Variants in ACYP2 observed in about 807,000 individuals in gnomAD.
ACYP2 encodes acylphosphatase-2.
Under a neutral mutation model 11.2 loss-of-function variants are expected in ACYP2, and 12 were observed. The observed-to-expected ratio is 1.08, with a 90% CI of 0.69 to 1.74. ACYP2 has a LOEUF of 1.74. Ranked by LOEUF, ACYP2 falls within the 40% of genes most tolerant of loss-of-function variation. The probability of loss-of-function intolerance (pLI) is 0.00; values close to 1 mark genes in which losing one functional copy is unlikely to be tolerated. For synonymous variants in ACYP2, 43 were observed against 32.2 expected, an observed-to-expected ratio of 1.33 and a Z score of -1.13; for missense variants, 134 against 101.9, an observed-to-expected ratio of 1.31 and a Z score of -1.35.
chr2:54,078,897 C>T (rs761510185), intron 4 of ACYP2, among the ~76,000 whole-genome samples: 2 of 152,196 alleles, frequency 1.3e-5, no homozygotes, highest in Non-Finnish European at 2.9e-5. Flanking sequence ...CATGCCCGGC[C>T]TCAATAAGCT....
intron 6 of ACYP2, among the ~76,000 whole-genome samples, chr2:54,208,366 T>A (rs12614774): frequency 0.24 from 36,541 of 151,920 alleles, 4,569 homozygotes; most frequent in East Asian, 0.39. Context: ...AACTTCCATC[T>A]ATGTTTTTCT....
intron 6 of ACYP2, among the ~76,000 whole-genome samples, chr2:54,243,642 T>A (rs10193885): frequency 6.6e-6 from 1 of 152,114 alleles, no homozygotes; most frequent in African/African-American, 2.4e-5. Flanking sequence ...CAATCTCAGC[T>A]CACTGCAACC....
intron 2 of ACYP2, among the ~76,000 whole-genome samples, chr2:54,013,988 T>C (rs1387624120): frequency 6.6e-6 from 1 of 151,880 alleles, no homozygotes; most frequent in Non-Finnish European, 1.5e-5. Flanking sequence ...TGAAGCCCCT[T>C]CTCCACTAAA....
intron 2 of ACYP2, among the ~76,000 whole-genome samples, chr2:53,980,095 CA>C (rs1477013619): frequency 2.0e-5 from 3 of 152,090 alleles, no homozygotes; most frequent in Non-Finnish European, 2.9e-5. Flanking sequence ...CTAATCCCAG[CA>C]GTTTGTGAGG....
intron 6 of ACYP2, among the ~76,000 whole-genome samples, chr2:54,243,075 TTGTC>T (rs1174549015): frequency 1.3e-5 from 2 of 152,196 alleles, no homozygotes; most frequent in Admixed American, 6.5e-5. Flanking sequence ...GATTAGCCCT[TTGTC>T]TGTGATATGA....
intron 4 of ACYP2, among the ~76,000 whole-genome samples, chr2:54,070,494 T>C (rs1213042415): frequency 6.6e-6 from 1 of 152,120 alleles, no homozygotes; most frequent in African/African-American, 2.4e-5. Flanking sequence ...CTCTGCATTG[T>C]TTACTGTGCT....
rs566288690 is a variant in ACYP2 at position 54,232,254 on chromosome 2, G to C, written c.405-72434G>C. 6.2e-4 allele frequency among the ~76,000 whole-genome samples: 94 copies of C among 152,244 alleles called. 1 individual carries two copies. Among genetic ancestry groups the C allele is most frequent in the Non-Finnish European group, 1.2e-3 (81 of 68,022 alleles). On this transcript the variant is annotated intron_variant, in intron 6 of 6. Coordinates refer to ENST00000607452, the MANE Select transcript of ACYP2 (RefSeq NM_001320586.2). ...ATCAGAAATGGCTGCAGCAGTTCCT[G>C]ACATGACATCTTTGTACTACACTCT...
intron 6 of ACYP2, among the ~76,000 whole-genome samples, chr2:54,244,277 C>T (rs1048602265): frequency 3.9e-5 from 6 of 152,190 alleles, no homozygotes; most frequent in African/African-American, 1.2e-4. Context: ...TCTCAGTTCA[C>T]TGCAACCTCC....
chr2:54,151,055 A>G (rs528221053), intron 6 of ACYP2, among the ~76,000 whole-genome samples: 32 of 152,268 alleles, frequency 2.1e-4, no homozygotes, highest in African/African-American at 6.7e-4. Flanking sequence ...CTGTGTTTCT[A>G]TACAGAGCTG....
chr2:54,098,810 C>G (rs1198342245), intron 4 of ACYP2, among the ~76,000 whole-genome samples: 2 of 151,652 alleles, frequency 1.3e-5, no homozygotes, highest in African/African-American at 4.8e-5. Flanking sequence ...TCACTGCAGC[C>G]TCAATCTCCC....
chr2:54,232,718 G>T (rs1021844607), intron 6 of ACYP2, among the ~76,000 whole-genome samples: 1 of 152,146 alleles, frequency 6.6e-6, no homozygotes, highest in African/African-American at 2.4e-5. Context: ...AGAAGGCAAA[G>T]GGAAAGCAAG....
At chr2:53,982,255 C>T (rs1671801781) in intron 2 of ACYP2, among the ~76,000 whole-genome samples, 3 of 152,188 alleles carry the variant, frequency 2.0e-5, no homozygotes, top group Non-Finnish European at 2.9e-5. Flanking sequence ...CACTTGATCA[C>T]ATCTGATATT....
At chr2:54,007,919 G>T (rs958877758) in intron 2 of ACYP2, among the ~76,000 whole-genome samples, 2 of 152,126 alleles carry the variant, frequency 1.3e-5, no homozygotes, top group Admixed American at 1.3e-4. Context: ...TTAGTTTTGG[G>T]AAGGGCTACT....
At chr2:54,050,685 G>A (rs77699961) in intron 2 of ACYP2, among the ~76,000 whole-genome samples, 1 of 152,218 alleles carries the variant, frequency 6.6e-6, no homozygotes, top group Non-Finnish European at 1.5e-5. Context: ...CCAGTGCTGG[G>A]TAAAACAATT....
intron 2 of ACYP2, among the ~76,000 whole-genome samples, chr2:54,000,195 A>G (rs1350593212): frequency 6.6e-6 from 1 of 152,060 alleles, no homozygotes; most frequent in African/African-American, 2.4e-5. Flanking sequence ...ACCCAAAATT[A>G]TTATAGTTTT....
At chr2:54,055,840 A>C (rs929379651) in intron 3 of ACYP2, among the ~76,000 whole-genome samples, 1 of 152,218 alleles carries the variant, frequency 6.6e-6, no homozygotes, top group African/African-American at 2.4e-5. Context: ...ACATATTGAA[A>C]TTGTGTATTC....
At chr2:54,295,843 C>T (rs1437375536) in intron 6 of ACYP2, among the ~76,000 whole-genome samples, 1 of 151,848 alleles carries the variant, frequency 6.6e-6, no homozygotes, top group East Asian at 1.9e-4. Flanking sequence ...TCACTGCAAC[C>T]TCCGCCTCCC....
intron 4 of ACYP2, among the ~76,000 whole-genome samples, chr2:54,117,378 C>G (rs1679870781): frequency 2.0e-5 from 3 of 152,148 alleles, no homozygotes; most frequent in Admixed American, 1.3e-4. Flanking sequence ...TCACTGCAGC[C>G]TGGAACTCCT....
intron 6 of ACYP2, among the ~76,000 whole-genome samples, chr2:54,141,602 T>C (rs1013679698): frequency 2.6e-5 from 4 of 152,236 alleles, no homozygotes; most frequent in African/African-American, 9.6e-5. Flanking sequence ...TCTATTCTGT[T>C]CCACTGATCT....
Sources: gnomAD v4.1 joint callset for allele counts (sites outside exome capture counted in the v4.1 genomes callset) on GRCh38, gnomAD v4.1.1 for gene constraint, MANE v1.5 for transcripts, NCBI Gene and HGNC (gene_info 2026-07-23, HGNC 2026-07-21) for gene names.